Variants in ARHGAP32 observed in about 807,000 individuals in gnomAD.
ARHGAP32 encodes the protein rho GTPase-activating protein 32.
ARHGAP32 carries 51 observed loss-of-function variants against 186.5 expected under a neutral mutation model. That is an observed-to-expected ratio of 0.27 (90% CI 0.22 to 0.35). ARHGAP32 has a LOEUF of 0.35. Among genes scored for constraint, ARHGAP32 ranks in the 10% least tolerant of loss-of-function variants. The pLI, the probability that ARHGAP32 is intolerant of heterozygous loss-of-function variation, is 1.00. For synonymous variants in ARHGAP32, 950 were observed against 964.3 expected, an observed-to-expected ratio of 0.99 and a Z score of 0.27; for missense variants, 2,186 against 2,623.5, an observed-to-expected ratio of 0.83 and a Z score of 3.64.
chr11:129,163,554 C>A (rs1220207336), intron 2 of ARHGAP32, among the ~76,000 whole-genome samples: 1 of 152,032 alleles, frequency 6.6e-6, no homozygotes, highest in East Asian at 1.9e-4. Flanking sequence ...CTCTTATTAC[C>A]CATTCATTGA....
chr11:129,030,761 C>T (rs542934344), intron 11 of ARHGAP32, among the ~76,000 whole-genome samples: 2 of 152,150 alleles, frequency 1.3e-5, no homozygotes, highest in African/African-American at 2.4e-5. Flanking sequence ...AGATATTTGT[C>T]CCCACTCAAA....
At chr11:129,033,707 G>A (rs750994522) in intron 11 of ARHGAP32, among the ~76,000 whole-genome samples, 11 of 152,004 alleles carry the variant, frequency 7.2e-5, no homozygotes, top group Admixed American at 5.2e-4. Context: ...TTATTGTTTC[G>A]TCTTTCACAT....
intron 1 of ARHGAP32, among the ~76,000 whole-genome samples, chr11:129,268,695 A>AAAAAAG (rs1945437315): frequency 2.2e-5 from 3 of 136,054 alleles, no homozygotes; most frequent in Non-Finnish European, 4.8e-5. Flanking sequence ...AAAAAAAAAA[A>AAAAAAG]GGTGAATTCC....
At chr11:129,188,230 A>T (rs1326345956) in intron 1 of ARHGAP32, among the ~76,000 whole-genome samples, 1 of 152,170 alleles carries the variant, frequency 6.6e-6, no homozygotes, top group South Asian at 2.1e-4. Flanking sequence ...TGCTGGGATT[A>T]CAGGTGTGAG....
chr11:129,226,644 C>A (rs1461567945), intron 1 of ARHGAP32, among the ~76,000 whole-genome samples: 5 of 152,058 alleles, frequency 3.3e-5, no homozygotes, highest in African/African-American at 1.2e-4. Flanking sequence ...GAAGTAAATC[C>A]TATCTTATCA....
chr11:129,233,575 A>C (rs1201423159), intron 1 of ARHGAP32, among the ~76,000 whole-genome samples: 4 of 152,070 alleles, frequency 2.6e-5, no homozygotes, highest in Non-Finnish European at 5.9e-5. Context: ...ACACATGCAC[A>C]ACTGAACGTG....
chr11:129,021,446 A>G (rs1177729200), intron 11 of ARHGAP32, among the ~76,000 whole-genome samples: 2 of 152,080 alleles, frequency 1.3e-5, no homozygotes, highest in African/African-American at 4.8e-5. Context: ...AAGCAACATC[A>G]CTATGCTGCT....
At chr11:129,195,328 T>C (rs1416158285), upstream of ARHGAP32, among the ~76,000 whole-genome samples, 1 of 152,104 alleles carries the variant, frequency 6.6e-6, no homozygotes, top group East Asian at 1.9e-4. Flanking sequence ...AATCATTCTT[T>C]TGTTCTTTCA....
intron 19 of ARHGAP32, among the ~76,000 whole-genome samples, chr11:128,977,786 C>T (rs545295817): frequency 8.6e-5 from 13 of 152,010 alleles, no homozygotes; most frequent in Admixed American, 7.9e-4. Flanking sequence ...AAGTAATCCT[C>T]CTGCTTCAGC....
rs564005489 is a variant in ARHGAP32, at chr11:129,056,946, G to A, written c.963+5334C>T. On this transcript the variant is annotated intron_variant, in intron 10 of 22. Transcript: ENST00000682385. ...CATCTCAATCCCTAGGAAAACCACCGGTGACAGCCAACACCAAGACGAGGC... is the reference window on the plus strand; with the variant it reads ...CATCTCAATCCCTAGGAAAACCACCAGTGACAGCCAACACCAAGACGAGGC... 9.2e-5 allele frequency among the ~76,000 whole-genome samples: 14 copies of A among 152,198 alleles called. 1 individual carries two copies. In the South Asian group the frequency reaches 2.1e-3, roughly 23 times the overall value.
chr11:129,079,459 AAAC>A (rs1366574822), intron 6 of ARHGAP32, among the ~76,000 whole-genome samples: 10 of 152,222 alleles, frequency 6.6e-5, no homozygotes, highest in African/African-American at 2.2e-4. Context: ...TCCTGAAACA[AAAC>A]AATTATCAGC....
upstream of ARHGAP32, among the ~76,000 whole-genome samples, chr11:129,194,529 C>T (rs1054567218): frequency 6.6e-6 from 1 of 152,090 alleles, no homozygotes; most frequent in Admixed American, 6.6e-5. Context: ...TGCTATGCTG[C>T]CATCTGTGTT....
At chr11:129,124,143 T>C (rs998380838) in intron 3 of ARHGAP32, among the ~76,000 whole-genome samples, 2 of 152,184 alleles carry the variant, frequency 1.3e-5, no homozygotes, top group African/African-American at 4.8e-5. Context: ...CATATATCTA[T>C]GGGATATCTT....
intron 1 of ARHGAP32, among the ~76,000 whole-genome samples, chr11:129,263,739 G>C (rs892298220): frequency 1.3e-5 from 2 of 152,002 alleles, no homozygotes; most frequent in Non-Finnish European, 2.9e-5. Context: ...AAGAAAACAA[G>C]CGTGGCCAAG....
At chr11:128,987,905 C>G in intron 13 of ARHGAP32, 118 bp downstream of exon 13, 3 of 711,066 alleles carry the variant, frequency 4.2e-6, no homozygotes, top group Non-Finnish European at 7.0e-6. Context: ...ATATTATTTC[C>G]TATTTTATCT....
At chr11:129,011,162 T>C (rs191971484) in intron 11 of ARHGAP32, among the ~76,000 whole-genome samples, 3 of 152,316 alleles carry the variant, frequency 2.0e-5, no homozygotes, top group Non-Finnish European at 2.9e-5. Context: ...TTACACTTAG[T>C]ATGTGCAAGT....
intron 1 of ARHGAP32, among the ~76,000 whole-genome samples, chr11:129,206,212 T>G (rs1177268518): frequency 6.6e-6 from 1 of 152,142 alleles, no homozygotes; most frequent in African/African-American, 2.4e-5. Flanking sequence ...AACCTTCTTT[T>G]TAATTAATTT....
At chr11:129,193,618 TTA>T (rs1944332072), upstream of ARHGAP32, among the ~76,000 whole-genome samples, 1 of 57,188 alleles carries the variant, frequency 1.7e-5, no homozygotes, top group Non-Finnish European at 3.3e-5. Context: ...ATAATATATG[TTA>T]TATAATATAT....
intron 2 of ARHGAP32, among the ~76,000 whole-genome samples, chr11:129,154,193 T>A (rs901609635): frequency 1.3e-5 from 2 of 152,230 alleles, no homozygotes; most frequent in East Asian, 3.9e-4. Flanking sequence ...ACTTCTTACT[T>A]CTGCAGCAAT....
Sources: allele counts gnomAD v4.1 joint callset (sites outside exome capture counted in the v4.1 genomes callset), GRCh38; gene constraint gnomAD v4.1.1; transcripts MANE v1.5; gene names NCBI Gene and HGNC (gene_info 2026-07-23, HGNC 2026-07-21).